UNC5C: variants seen among roughly 807,000 people sequenced by gnomAD.
UNC5C encodes unc-5 netrin receptor C.
A neutral mutation model predicts 99.8 loss-of-function variants in UNC5C; 47 were observed. The observed-to-expected ratio is 0.47, with a 90% confidence interval of 0.37 to 0.60. UNC5C has a LOEUF of 0.60. UNC5C is among the 20% of genes least tolerant of loss of function. UNC5C has a pLI of 0.00. For missense variants in UNC5C, 1,062 were observed against 1,165.9 expected, an observed-to-expected ratio of 0.91 and a Z score of 1.30; for synonymous variants, 487 against 452.2, an observed-to-expected ratio of 1.08 and a Z score of -0.98.
At chr4:95,430,194 A>T (rs1291701421) in intron 1 of UNC5C, among the ~76,000 whole-genome samples, 1 of 152,044 alleles carries the variant, frequency 6.6e-6, no homozygotes, top group Non-Finnish European at 1.5e-5. Flanking sequence ...TAGGTTCATC[A>T]ACTGTAAGAA....
At chr4:95,206,162 G>C (rs780604114) in intron 11 of UNC5C, among the ~76,000 whole-genome samples, 4 of 151,624 alleles carry the variant, frequency 2.6e-5, no homozygotes, top group East Asian at 1.9e-4. Flanking sequence ...CACTGCGCCC[G>C]GCTAATTTTT....
chr4:95,367,928 T>C (rs2149437567), intron 1 of UNC5C, among the ~76,000 whole-genome samples: 1 of 152,308 alleles, frequency 6.6e-6, no homozygotes, highest in Non-Finnish European at 1.5e-5. Context: ...AAAATTATTT[T>C]ACATTATCTT....
intron 1 of UNC5C, among the ~76,000 whole-genome samples, chr4:95,474,686 C>T (rs1473553039): frequency 6.6e-6 from 1 of 151,994 alleles, no homozygotes; most frequent in African/African-American, 2.4e-5. Flanking sequence ...TATATGCAAA[C>T]AAAGAATAAA....
intron 1 of UNC5C, among the ~76,000 whole-genome samples, chr4:95,413,770 G>A (rs1258682365): frequency 2.0e-5 from 3 of 152,176 alleles, no homozygotes; most frequent in Non-Finnish European, 2.9e-5. Flanking sequence ...AGCCAAGAAA[G>A]CAGAAGAACA....
intron 1 of UNC5C, among the ~76,000 whole-genome samples, chr4:95,526,451 A>G (rs1722499825): frequency 6.6e-6 from 1 of 152,124 alleles, no homozygotes; most frequent in Non-Finnish European, 1.5e-5. Flanking sequence ...TTTACAATAC[A>G]AAGTGTAAAT....
chr4:95,186,958 G>A (rs778392737), intron 12 of UNC5C, among the ~76,000 whole-genome samples: 7 of 152,026 alleles, frequency 4.6e-5, no homozygotes, highest in East Asian at 1.9e-4. Flanking sequence ...AGTCACACAC[G>A]CTCCTCACAG....
intron 4 of UNC5C, among the ~76,000 whole-genome samples, chr4:95,255,211 C>A (rs1327804941): frequency 6.6e-6 from 1 of 151,950 alleles, no homozygotes; most frequent in South Asian, 2.1e-4. Flanking sequence ...AACTCCTGAC[C>A]TCAAGTGATC....
At chr4:95,372,706 A>C (rs2149439254) in intron 1 of UNC5C, among the ~76,000 whole-genome samples, 1 of 152,302 alleles carries the variant, frequency 6.6e-6, no homozygotes, top group South Asian at 2.1e-4. Context: ...ATAGAAATAG[A>C]TATAAAATAT....
At chr4:95,422,866 G>GA (rs1252250887) in intron 1 of UNC5C, among the ~76,000 whole-genome samples, 3 of 152,084 alleles carry the variant, frequency 2.0e-5, no homozygotes, top group African/African-American at 7.2e-5. Flanking sequence ...TCCAGATGCA[G>GA]AAAAAAACCA....
chr4:95,283,240 C>T (rs567737952), intron 3 of UNC5C, among the ~76,000 whole-genome samples: 1 of 152,192 alleles, frequency 6.6e-6, no homozygotes, highest in South Asian at 2.1e-4. Flanking sequence ...TTGAGAATGG[C>T]GACAGCTACA....
At chr4:95,358,462 A>G (rs1291128714) in intron 1 of UNC5C, among the ~76,000 whole-genome samples, 1 of 152,220 alleles carries the variant, frequency 6.6e-6, no homozygotes, top group East Asian at 1.9e-4. Context: ...AGAAGATGGT[A>G]AGGGTATGAG....
chr4:95,546,401 T>G (rs1156828299), intron 1 of UNC5C, among the ~76,000 whole-genome samples: 1 of 152,176 alleles, frequency 6.6e-6, no homozygotes, highest in Non-Finnish European at 1.5e-5. Context: ...GTGATGAAGG[T>G]AGTAGCTGAT....
intron 1 of UNC5C, among the ~76,000 whole-genome samples, chr4:95,485,854 T>C (rs1228250771): frequency 6.6e-6 from 1 of 151,650 alleles, no homozygotes; most frequent in Non-Finnish European, 1.5e-5. Flanking sequence ...CTTTTATGAG[T>C]ATTAATAGTA....
At chr4:95,310,880 T>C (rs1485842208) in intron 2 of UNC5C, among the ~76,000 whole-genome samples, 3 of 152,176 alleles carry the variant, frequency 2.0e-5, no homozygotes, top group Non-Finnish European at 4.4e-5. Context: ...GCCTTAAAAC[T>C]TGAAATTTTA....
At chr4:95,456,645 G>A (rs1485869564) in intron 1 of UNC5C, among the ~76,000 whole-genome samples, 2 of 152,174 alleles carry the variant, frequency 1.3e-5, no homozygotes, top group Admixed American at 6.5e-5. Flanking sequence ...ATTCAAGGAC[G>A]TAACCAAAAT....
intron 7 of UNC5C, among the ~76,000 whole-genome samples, chr4:95,234,579 G>A (rs766806712): frequency 6.6e-6 from 1 of 152,080 alleles, no homozygotes; most frequent in African/African-American, 2.4e-5. Context: ...AAACAATTAA[G>A]TATGTGCTTA....
intron 1 of UNC5C, among the ~76,000 whole-genome samples, chr4:95,533,412 CA>C (rs550459676): frequency 1.2e-3 from 186 of 151,332 alleles, no homozygotes; most frequent in African/African-American, 4.1e-3. Flanking sequence ...AAGAAAAAAA[CA>C]AGAAAAATAA....
chr4:95,450,362 G>A (rs1413514590), intron 1 of UNC5C, among the ~76,000 whole-genome samples: 1 of 152,158 alleles, frequency 6.6e-6, no homozygotes, highest in Non-Finnish European at 1.5e-5. Flanking sequence ...TGGGACTAAA[G>A]GTGCATGCCA....
intron 14 of UNC5C, among the ~76,000 whole-genome samples, chr4:95,177,348 G>T (rs547541133): frequency 6.6e-6 from 1 of 152,324 alleles, no homozygotes; most frequent in Admixed American, 6.5e-5. Context: ...CCATCATGAA[G>T]TGTTTGGTTC....
Sources: gnomAD v4.1 joint callset for allele counts (sites outside exome capture counted in the v4.1 genomes callset) on GRCh38, gnomAD v4.1.1 for gene constraint, MANE v1.5 for transcripts, NCBI Gene and HGNC (gene_info 2026-07-23, HGNC 2026-07-21) for gene names.